AUTS2: variants seen among roughly 807,000 people sequenced by gnomAD.
AUTS2 encodes autism susceptibility gene 2 protein.
In AUTS2, 17 loss-of-function variants were observed where a neutral mutation model predicts 112.4. The ratio of observed to expected loss-of-function variants is 0.15; its 90% CI spans 0.10 to 0.23. AUTS2 has a LOEUF of 0.23. Ranked by LOEUF, AUTS2 falls within the 10% of genes least tolerant of loss-of-function variation. The probability of loss-of-function intolerance (pLI) is 1.00; values close to 1 mark genes in which losing one functional copy is unlikely to be tolerated. For synonymous variants in AUTS2, 751 were observed against 702.7 expected (o/e 1.07, Z -1.09); for missense variants, 1,510 against 1,701.6 (o/e 0.89, Z 1.98).
At chr7:69,924,698 T>C (rs556652514) in intron 2 of AUTS2, among the ~76,000 whole-genome samples, 1 of 152,204 alleles carries the variant, frequency 6.6e-6, no homozygotes, top group South Asian at 2.1e-4. Flanking sequence ...ATTATAGGCA[T>C]GCGCCACCAC....
At chr7:70,185,716 T>C (rs1809567275) in intron 4 of AUTS2, among the ~76,000 whole-genome samples, 1 of 152,224 alleles carries the variant, frequency 6.6e-6, no homozygotes, top group South Asian at 2.1e-4. Context: ...GACTCAAGCC[T>C]ATGTAGTTTG....
At chr7:70,489,048 A>G (rs2116373963) in intron 5 of AUTS2, among the ~76,000 whole-genome samples, 1 of 152,356 alleles carries the variant, frequency 6.6e-6, no homozygotes, top group East Asian at 1.9e-4. Flanking sequence ...TTGATTGATT[A>G]TGTGAGTGAT....
At chr7:70,097,474 C>T (rs1265020216) in intron 2 of AUTS2, among the ~76,000 whole-genome samples, 2 of 152,196 alleles carry the variant, frequency 1.3e-5, no homozygotes, top group Admixed American at 6.5e-5. Context: ...GATCACAAAG[C>T]ATACTGGGCC....
At chr7:70,774,143 G>T in intron 12 of AUTS2, 44 bp downstream of exon 12, 1 of 1,591,650 alleles carries the variant, frequency 6.3e-7, no homozygotes. Flanking sequence ...ACCAGGGTGT[G>T]TGTGTTTGCA....
At chr7:69,743,201 G>A (rs76829078) in intron 1 of AUTS2, among the ~76,000 whole-genome samples, 3,290 of 152,202 alleles carry the variant, frequency 0.022, 117 homozygotes, top group African/African-American at 0.072. Context: ...TCTGTAATAT[G>A]GGAATAATAA....
At chr7:69,666,275 C>T (rs1796037347) in intron 1 of AUTS2, among the ~76,000 whole-genome samples, 1 of 152,162 alleles carries the variant, frequency 6.6e-6, no homozygotes, top group Non-Finnish European at 1.5e-5. Flanking sequence ...TTCTAACTCT[C>T]ATGTGTTTGT....
At chr7:70,135,004 T>A (rs541964420) in intron 4 of AUTS2, among the ~76,000 whole-genome samples, 1 of 152,134 alleles carries the variant, frequency 6.6e-6, no homozygotes, top group South Asian at 2.1e-4. Context: ...GGACGGGGAA[T>A]GGAGATGGTA....
chr7:69,737,374 G>C (rs1787078337), intron 1 of AUTS2, among the ~76,000 whole-genome samples: 1 of 152,166 alleles, frequency 6.6e-6, no homozygotes, highest in African/African-American at 2.4e-5. Flanking sequence ...GTATAGATGA[G>C]GAAGAAATTG....
At chr7:69,997,373 C>T (rs1205992243) in intron 2 of AUTS2, among the ~76,000 whole-genome samples, 3 of 152,154 alleles carry the variant, frequency 2.0e-5, no homozygotes, top group African/African-American at 7.2e-5. Context: ...TTGGTTTTGG[C>T]ATGAAATTAA....
At chr7:70,061,478 G>C (rs1343948678) in intron 2 of AUTS2, among the ~76,000 whole-genome samples, 1 of 152,174 alleles carries the variant, frequency 6.6e-6, no homozygotes, top group Non-Finnish European at 1.5e-5. Flanking sequence ...TTTTAAGAGA[G>C]AGGAAGAGAA....
intron 2 of AUTS2, among the ~76,000 whole-genome samples, chr7:70,000,858 T>C (rs1196079192): frequency 6.6e-6 from 1 of 151,486 alleles, no homozygotes. Context: ...TTTGCCCGCC[T>C]CCTTTAAAAC....
intron 6 of AUTS2, among the ~76,000 whole-genome samples, chr7:70,729,545 A>G (rs1585584396): frequency 6.6e-6 from 1 of 152,316 alleles, no homozygotes; most frequent in Non-Finnish European, 1.5e-5. Context: ...GAGATCCTTC[A>G]GGGTAGGACC....
chr7:69,790,238 C>A (rs1213759336), intron 1 of AUTS2, among the ~76,000 whole-genome samples: 1 of 152,202 alleles, frequency 6.6e-6, no homozygotes, highest in South Asian at 2.1e-4. Context: ...CTGCAGTCAG[C>A]TTTGATTGTA....
At chr7:70,733,022 C>T (rs548484184) in intron 6 of AUTS2, among the ~76,000 whole-genome samples, 4 of 152,258 alleles carry the variant, frequency 2.6e-5, no homozygotes, top group African/African-American at 7.2e-5. Flanking sequence ...GGCTGTGCTT[C>T]CTAATCAGTT....
chr7:70,233,763 A>AT (rs1812178104), intron 4 of AUTS2, among the ~76,000 whole-genome samples: 1 of 152,246 alleles, frequency 6.6e-6, no homozygotes, highest in South Asian at 2.1e-4. Context: ...AGAGAAGACC[A>AT]TAAGAATCAC....
At chr7:70,603,494 G>C (rs1467619551) in intron 5 of AUTS2, among the ~76,000 whole-genome samples, 1 of 152,176 alleles carries the variant, frequency 6.6e-6, no homozygotes, top group East Asian at 1.9e-4. Context: ...CCTGGCCTCT[G>C]TGCTGTGCCC....
chr7:70,391,180 G>A (rs1480303911), intron 4 of AUTS2, among the ~76,000 whole-genome samples: 1 of 152,184 alleles, frequency 6.6e-6, no homozygotes, highest in Non-Finnish European at 1.5e-5. Flanking sequence ...CACATTTGCA[G>A]CCAAGGCTGA....
At chr7:70,084,430 T>C (rs753199178) in intron 2 of AUTS2, among the ~76,000 whole-genome samples, 4 of 152,230 alleles carry the variant, frequency 2.6e-5, no homozygotes, top group Non-Finnish European at 4.4e-5. Flanking sequence ...GTACTAGGTA[T>C]ATGCTAAATG....
At chr7:70,513,976 C>A (rs1048250505) in intron 5 of AUTS2, among the ~76,000 whole-genome samples, 1 of 152,114 alleles carries the variant, frequency 6.6e-6, no homozygotes, top group African/African-American at 2.4e-5. Context: ...TTTTAAATCA[C>A]CATAGGATTT....
Sources: gnomAD v4.1 joint callset for allele counts (sites outside exome capture counted in the v4.1 genomes callset) on GRCh38, gnomAD v4.1.1 for gene constraint, MANE v1.5 for transcripts, NCBI Gene and HGNC (gene_info 2026-07-23, HGNC 2026-07-21) for gene names.